SBNO1: variants seen among roughly 807,000 people sequenced by gnomAD.
SBNO1 encodes strawberry notch homolog 1, also known as protein strawberry notch homolog 1.
SBNO1 carries 23 observed loss-of-function variants against 173.6 expected under a neutral mutation model. The observed-to-expected ratio is 0.13, with a 90% CI of 0.10 to 0.19. The LOEUF is 0.19. SBNO1 is among the 10% of genes least tolerant of loss of function. The probability of loss-of-function intolerance (pLI) is 1.00; values close to 1 mark genes in which losing one functional copy is unlikely to be tolerated. For missense variants in SBNO1, 1,238 were observed against 1,671.2 expected, an observed-to-expected ratio of 0.74 and a Z score of 4.52; for synonymous variants, 632 against 571.5, an observed-to-expected ratio of 1.11 and a Z score of -1.51.
chr12:123,323,892 ATTAT>A, intron 15 of SBNO1, 61 bp from the exon 16 acceptor site: 2 of 1,200,220 alleles, frequency 1.7e-6, no homozygotes, highest in Non-Finnish European at 2.3e-6. Context: ...TATGTAAAGT[ATTAT>A]TAAATATATT....
rs573439106 is a variant in SBNO1, at chr12:123,361,839, A to G, written c.-1+2862T>C. Among the ~76,000 whole-genome samples, 3 of 152,154 alleles carry G rather than the reference A, an allele frequency of 2.0e-5. 1 individual carries two copies. In the East Asian group the frequency reaches 5.8e-4, roughly 29 times the overall value. On this transcript the variant is annotated intron_variant, in intron 1 of 31. Transcript: ENST00000602398. ...GTCTCCCCTTCAGCAACTAAAGTGA[A>G]GATTTATTTAAGATTCTGAGGCCAG...
At chr12:123,334,942 A>C (rs1871660529) in intron 6 of SBNO1, among the ~76,000 whole-genome samples, 1 of 152,244 alleles carries the variant, frequency 6.6e-6, no homozygotes, top group Non-Finnish European at 1.5e-5. Context: ...TAATCTCAGC[A>C]CTTTGGGAGG....
intron 28 of SBNO1, 105 bp from the exon 29 acceptor site, chr12:123,304,824 T>TGGCCGGGCGCGGTGGCTC: frequency 1.3e-6 from 1 of 784,678 alleles, no homozygotes; most frequent in South Asian, 1.7e-5. Flanking sequence ...ACTATAACAC[T>TGGCCGGGCGCGGTGGCTC]AAGTAAGTAC....
At position 123,307,020 on chromosome 12, in the gene SBNO1, T is replaced by TAAAAAAAAAAAAAAAAAAAAA. The variant is rs34105162; in HGVS notation, c.3630+2269_3630+2289dup. On this transcript the variant is annotated intron_variant, in intron 28 of 31. Coordinates refer to ENST00000602398, the MANE Select transcript of SBNO1 (RefSeq NM_001167856.3). Reference sequence around the variant, plus strand: ...CAACACAGTGAGACATCAACTGCATTAAAAAAAAAAAAAAAAAAAAAAGCC... The same window carrying TAAAAAAAAAAAAAAAAAAAAA: ...CAACACAGTGAGACATCAACTGCATTAAAAAAAAAAAAAAAAAAAAAAAAAAAAAAAAAAAAAAAAAAAGCC... 2.3e-4 allele frequency among the ~76,000 whole-genome samples: 15 copies of TAAAAAAAAAAAAAAAAAAAAA among 64,430 alleles called. 1 individual carries two copies. The highest frequency in any genetic ancestry group is 1.5e-3 in the East Asian group (2 of 1,372). 42.3% of individuals were successfully genotyped at this position (64,430 alleles called of 152,430 possible).
At position 123,309,369 on chromosome 12, in the gene SBNO1, C is replaced by T. The variant is rs2138915658; in HGVS notation, c.3571G>A (p.Ala1191Thr). 3 of 1,614,144 alleles carry T rather than the reference C, an allele frequency of 1.9e-6. No individual in the cohort carries two copies. The highest frequency in any genetic ancestry group is 2.5e-6 in the Non-Finnish European group (3 of 1,179,984). Residue 1191 changes from alanine (A) to threonine (T), a missense_variant, in exon 28 of 32, where the codon GCT becomes ACT. By Grantham distance (58) the Ala-to-Thr change is moderately conservative (BLOSUM62 0). Transcript: ENST00000602398. Reference protein sequence around the residue: ...SVERGMSWEEATKIWAELTGP... With the variant: ...SVERGMSWEETTKIWAELTGP... ...GTCAGCTCAGCCCAAATCTTGGTAG[C>T]TTCCTCCCATGACATTCCCCTCTCT...
intron 23 of SBNO1, 142 bp downstream of exon 23, chr12:123,315,231 T>C: frequency 1.6e-6 from 1 of 630,482 alleles, no homozygotes; most frequent in East Asian, 2.7e-5. Flanking sequence ...TGTGAAATTC[T>C]GTCTTATAGG....
chr12:123,316,494 G>A (rs1034586878), intron 21 of SBNO1, among the ~76,000 whole-genome samples: 2 of 152,094 alleles, frequency 1.3e-5, no homozygotes, highest in Non-Finnish European at 2.9e-5. Context: ...AAAGTGCTGG[G>A]ATTACAGGCG....
In SBNO1 at chr12:123,295,889, G is replaced by C. The variant is rs980738093; in HGVS notation, c.*19C>G. 3 of 1,612,070 alleles carry C rather than the reference G, an allele frequency of 1.9e-6. No homozygotes were observed. In the African/African-American group the frequency reaches 4.0e-5, roughly 22 times the overall value. On this transcript the variant is annotated 3_prime_UTR_variant, in exon 32 of 32. Coordinates refer to ENST00000602398, the MANE Select transcript of SBNO1 (RefSeq NM_001167856.3). ...TCAACAGCATTTCAGATCCATCCAT[G>C]TTGAAACCTGTCTGTTCTTCATGCG... is the stretch of plus-strand genomic sequence containing the variant.
chr12:123,312,390 A>G (rs1432739445), intron 24 of SBNO1, among the ~76,000 whole-genome samples: 1 of 152,292 alleles, frequency 6.6e-6, no homozygotes, highest in Non-Finnish European at 1.5e-5. Flanking sequence ...AGTATGTGCT[A>G]ATCTACCAAA....
At chr12:123,312,116 C>T (rs565493344) in intron 24 of SBNO1, among the ~76,000 whole-genome samples, 13 of 151,216 alleles carry the variant, frequency 8.6e-5, no homozygotes, top group Non-Finnish European at 1.8e-4. Flanking sequence ...GTCTCTCTCA[C>T]CAGTCTGGAA....
At chr12:123,343,127 G>A (rs1872745141) in intron 4 of SBNO1, among the ~76,000 whole-genome samples, 1 of 152,292 alleles carries the variant, frequency 6.6e-6, no homozygotes, top group East Asian at 1.9e-4. Context: ...CAGCTATTTG[G>A]GAGGCTGAAG....
chr12:123,320,206 G>A (rs540017128), intron 19 of SBNO1, among the ~76,000 whole-genome samples, 175 bp from the exon 20 acceptor site: 50 of 152,288 alleles, frequency 3.3e-4, no homozygotes, highest in Admixed American at 8.5e-4. Context: ...ACATGGCCAC[G>A]ATCACAAAAG....
At chr12:123,309,649 GAAT>G in intron 26 of SBNO1, 58 bp downstream of exon 26, 1 of 1,600,956 alleles carries the variant, frequency 6.2e-7, no homozygotes, top group Non-Finnish European at 8.5e-7. Flanking sequence ...CACGTTTAAA[GAAT>G]TTCTCCACTC....
intron 20 of SBNO1, among the ~76,000 whole-genome samples, chr12:123,319,034 G>C (rs1163946733): frequency 6.6e-6 from 1 of 150,722 alleles, no homozygotes; most frequent in East Asian, 2.0e-4. Flanking sequence ...TGCAGTCTTG[G>C]CTCACTGCAA....
intron 27 of SBNO1, 42 bp downstream of exon 27, chr12:123,309,447 T>C (rs748957316): frequency 1.3e-6 from 2 of 1,599,358 alleles, no homozygotes; most frequent in South Asian, 2.2e-5. Flanking sequence ...TGTAAATGCA[T>C]CTCATGGGAA....
At chr12:123,339,714 G>C (rs549896705) in intron 5 of SBNO1, among the ~76,000 whole-genome samples, 1 of 152,206 alleles carries the variant, frequency 6.6e-6, no homozygotes, top group East Asian at 1.9e-4. Context: ...TCGAACCTGG[G>C]AGGCGGAGAT....
At chr12:123,335,099 G>C (rs1276711443) in intron 6 of SBNO1, among the ~76,000 whole-genome samples, 8 of 152,228 alleles carry the variant, frequency 5.3e-5, no homozygotes, top group Admixed American at 5.2e-4. Flanking sequence ...TCTGAGACAG[G>C]AGGATTGCTT....
rs927052618 is a variant in SBNO1, at chr12:123,311,708, CTATCTATCTATCTA to C, written c.3221-593_3221-580del. Among the ~76,000 whole-genome samples, 11 of 62,314 alleles carry C rather than the reference CTATCTATCTATCTA, an allele frequency of 1.8e-4. No individual in the cohort carries two copies. The South Asian group carries it at 2.6e-3, about 15-fold the overall frequency. 40.9% of individuals were successfully genotyped at this position (62,314 alleles called of 152,430 possible). ...ACAAGTAACCTATCTATCTATCTAT[CTATCTATCTATCTA>C]TATATATATATATATATATATATAT... On this transcript the variant is annotated intron_variant, in intron 24 of 31. Transcript: ENST00000602398.
chr12:123,299,676 G>T (rs1168109729), intron 30 of SBNO1, among the ~76,000 whole-genome samples: 1 of 66,478 alleles, frequency 1.5e-5, no homozygotes, highest in Non-Finnish European at 3.6e-5. Context: ...GCAAGACTCT[G>T]TCTTCAAAAA....
Sources: allele counts gnomAD v4.1 joint callset (sites outside exome capture counted in the v4.1 genomes callset), GRCh38; gene constraint gnomAD v4.1.1; transcripts MANE v1.5; gene names NCBI Gene and HGNC (gene_info 2026-07-23, HGNC 2026-07-21).